The following PCDHGA7 variants were observed in gnomAD, a reference collection of about 807,000 sequenced individuals.
PCDHGA7 encodes the protein protocadherin gamma subfamily A, 7.
In PCDHGA7, 44 loss-of-function variants were observed where a neutral mutation model predicts 58.3. The ratio of observed to expected loss-of-function variants is 0.75; its 90% CI spans 0.59 to 0.97. PCDHGA7 has a LOEUF of 0.97. PCDHGA7 is among the 50% of genes least tolerant of loss of function. The pLI is 0.00. For synonymous variants in PCDHGA7, 516 were observed against 504.2 expected, an observed-to-expected ratio of 1.02 and a Z score of -0.31; for missense variants, 1,266 against 1,188.7, an observed-to-expected ratio of 1.06 and a Z score of -0.96.
At chr5:141,406,948 CAT>C (rs777377851) in intron 1 of PCDHGA7, among the ~76,000 whole-genome samples, 2 of 152,096 alleles carry the variant, frequency 1.3e-5, no homozygotes, top group Non-Finnish European at 2.9e-5. Context: ...TTATTTTAAA[CAT>C]AGTGTTGTTT....
At chr5:141,428,466 A>G (rs1230267635) in intron 1 of PCDHGA7, 1 of 344,756 alleles carries the variant, frequency 2.9e-6, no homozygotes, top group Admixed American at 4.1e-5. Context: ...ACAATGAGGG[A>G]ACTTTGCTTT....
intron 2 of PCDHGA7, among the ~76,000 whole-genome samples, chr5:141,500,259 A>G (rs1595658540): frequency 6.6e-6 from 1 of 151,044 alleles, no homozygotes; most frequent in East Asian, 2.0e-4. Context: ...CCCAGGCTGG[A>G]CTGCAGTGGC....
chr5:141,485,768 C>G lies in PCDHGA7; in HGVS notation c.2425-9039C>G. ...GGTCCCAGAGCTGCTCCTGGAGAAG[C>G]CTTTGGATCGAGAGAAGCAATCGGA... On this transcript the variant is annotated intron_variant, in intron 1 of 3. Coordinates refer to ENST00000518325, the MANE Select transcript of PCDHGA7 (RefSeq NM_018920.4). The surrounding 1 kb of genome is among the most constrained non-coding windows in gnomAD (Gnocchi z 5.7). 5 of 1,614,192 alleles carry G rather than the reference C, an allele frequency of 3.1e-6. No homozygotes were observed. The South Asian group carries it at 3.3e-5, about 11-fold the overall frequency.
chr5:141,467,371 A>G, intron 1 of PCDHGA7, among the ~76,000 whole-genome samples: 1 of 151,906 alleles, frequency 6.6e-6, no homozygotes, highest in Non-Finnish European at 1.5e-5. Context: ...GTTTTCTTAT[A>G]TTGCATTTAG....
intron 1 of PCDHGA7, among the ~76,000 whole-genome samples, chr5:141,479,036 G>C (rs1202411463): frequency 1.3e-5 from 2 of 152,012 alleles, no homozygotes; most frequent in Non-Finnish European, 2.9e-5. Flanking sequence ...TATACAGATC[G>C]TGTACCTCAT....
At chr5:141,413,980 A>C in intron 1 of PCDHGA7, 12 of 1,613,530 alleles carry the variant, frequency 7.4e-6, no homozygotes, top group Non-Finnish European at 1.0e-5. Flanking sequence ...GCTGACAGTC[A>C]CAGCCACCGA....
At position 141,384,387 on chromosome 5, in the gene PCDHGA7, C is replaced by T. The variant is rs774707320; in HGVS notation, c.1488C>T (p.Ile496=). The T allele has an allele frequency of 3.1e-6, 5 of 1,613,950 alleles. No homozygotes were observed. The South Asian group carries it at 5.5e-5, about 18-fold the overall frequency. Residue 496 remains isoleucine, a synonymous_variant, in exon 1 of 4, where the codon ATC becomes ATT. Transcript: ENST00000518325. ...QITYSLAEDT[I]QGAPVSSYVS... is the part of the protein sequence containing the mutation. ...CTTATTCCTTGGCCGAAGACACCATCCAGGGGGCTCCAGTGTCCTCCTATG... is the reference window on the plus strand; with the variant it reads ...CTTATTCCTTGGCCGAAGACACCATTCAGGGGGCTCCAGTGTCCTCCTATG...
chr5:141,476,803 T>G lies in PCDHGA7; in HGVS notation c.2425-18004T>G, dbSNP rs756358461. 3 of 1,613,688 alleles carry G rather than the reference T, an allele frequency of 1.9e-6. No individual in the cohort carries two copies. The highest frequency in any genetic ancestry group is 2.2e-5 in the South Asian group (2 of 91,092). ...CCCCAGCTCTCTCCGCCAGCCTGCCTATTCACATCAAGGTGCTGGACGCGA... is the reference window on the plus strand; with the variant it reads ...CCCCAGCTCTCTCCGCCAGCCTGCCGATTCACATCAAGGTGCTGGACGCGA... On this transcript the variant is annotated intron_variant, in intron 1 of 3. Transcript: ENST00000518325. The surrounding 1 kb of genome is among the most constrained non-coding windows in gnomAD (Gnocchi z 7.6).
chr5:141,459,105 T>C (rs904382532), intron 1 of PCDHGA7, among the ~76,000 whole-genome samples: 7 of 152,208 alleles, frequency 4.6e-5, no homozygotes, highest in Non-Finnish European at 7.4e-5. Flanking sequence ...GCAATGCATT[T>C]TGACAATTGT....
In PCDHGA7 at chr5:141,489,255, A is replaced by G. The variant is rs909780010; in HGVS notation, c.2425-5552A>G. 2 of 1,548,804 alleles carry G rather than the reference A, an allele frequency of 1.3e-6. No individual in the cohort carries two copies. Among genetic ancestry groups the G allele is most frequent in the Non-Finnish European group, 1.7e-6 (2 of 1,147,848 alleles). On this transcript the variant is annotated intron_variant, in intron 1 of 3. Coordinates refer to ENST00000518325, the MANE Select transcript of PCDHGA7 (RefSeq NM_018920.4). The surrounding 1 kb of genome is among the most constrained non-coding windows in gnomAD (Gnocchi z 4.5). ...ACTTCTGGGTCATGGGGCCCAAGAC[A>G]CTCCCACAGCTCGCTGGGAAATGGC...
intron 1 of PCDHGA7, chr5:141,399,574 G>C (rs1191176960): frequency 6.2e-7 from 1 of 1,614,046 alleles, no homozygotes; most frequent in Middle Eastern, 1.6e-4. Flanking sequence ...GAACGGCCAA[G>C]TCTCCTACTC....
At chr5:141,463,844 G>T (rs545618795) in intron 1 of PCDHGA7, among the ~76,000 whole-genome samples, 1 of 152,140 alleles carries the variant, frequency 6.6e-6, no homozygotes, top group African/African-American at 2.4e-5. Context: ...AGTTGTTATA[G>T]TGGTATATCT....
intron 1 of PCDHGA7, chr5:141,392,932 A>T (rs1334314898): frequency 6.2e-7 from 1 of 1,613,830 alleles, no homozygotes; most frequent in African/African-American, 1.3e-5. Flanking sequence ...GAAGAGACGG[A>T]CAAAGGCTCC....
rs781336795 is a variant in PCDHGA7, at chr5:141,477,936, C to T, written c.2425-16871C>T. Reference sequence around the variant, plus strand: ...GATGCAGGGCACAATGCCTGGCTCTCCTACAGTCTCTTGGGATCCCCTAAC... The same window carrying T: ...GATGCAGGGCACAATGCCTGGCTCTTCTACAGTCTCTTGGGATCCCCTAAC... On this transcript the variant is annotated intron_variant, in intron 1 of 3. Transcript: ENST00000518325. This position sits in a 1 kb window ranked among gnomAD's most constrained non-coding sequence, Gnocchi z 4.9. 1.2e-6 allele frequency: 2 copies of T among 1,614,170 alleles called. No homozygotes were observed. The highest frequency in any genetic ancestry group is 1.1e-5 in the South Asian group (1 of 91,088).
intron 1 of PCDHGA7, among the ~76,000 whole-genome samples, chr5:141,492,593 A>T (rs907659087): frequency 1.3e-5 from 2 of 152,100 alleles, no homozygotes; most frequent in African/African-American, 4.8e-5. Context: ...GGAGCGCTGG[A>T]GCGACTGCCG....
chr5:141,393,553 A>T (rs377510269), intron 1 of PCDHGA7: 1 of 1,613,928 alleles, frequency 6.2e-7, no homozygotes, highest in African/African-American at 1.3e-5. Context: ...CACCCGATTT[A>T]CCGAGTGAAA....
intron 1 of PCDHGA7, chr5:141,412,395 T>G (rs941350125): frequency 1.3e-5 from 2 of 152,246 alleles, no homozygotes; most frequent in African/African-American, 4.8e-5. Flanking sequence ...ATTTAACTTG[T>G]ATCCCTGTAA....
chr5:141,418,694 TATTCC>T, intron 1 of PCDHGA7: 2 of 1,614,044 alleles, frequency 1.2e-6, no homozygotes, highest in Non-Finnish European at 1.7e-6. Flanking sequence ...AGAGATCACT[TATTCC>T]TTCTTTGGTG....
At chr5:141,442,053 G>A (rs888378256) in intron 1 of PCDHGA7, 3 of 197,472 alleles carry the variant, frequency 1.5e-5, no homozygotes, top group Non-Finnish European at 3.2e-5. Flanking sequence ...ACTGGTCGCG[G>A]TGCACTGCGG....
Sources: allele counts gnomAD v4.1 joint callset (sites outside exome capture counted in the v4.1 genomes callset), GRCh38; gene constraint gnomAD v4.1.1; non-coding constraint Gnocchi (gnomAD v3.1); transcripts MANE v1.5; gene names NCBI Gene and HGNC (gene_info 2026-07-23, HGNC 2026-07-21).